The following LRRC36 variants were observed in gnomAD, a reference collection of about 807,000 sequenced individuals.
The protein encoded by LRRC36 is leucine-rich repeat-containing protein 36.
Under a neutral mutation model 81.1 loss-of-function variants are expected in LRRC36, and 62 were observed. The observed-to-expected ratio is 0.76, with a 90% CI of 0.62 to 0.94. LRRC36 has a LOEUF of 0.94. LRRC36 is among the 40% of genes least tolerant of loss of function. The probability of loss-of-function intolerance (pLI) is 0.00; values close to 1 mark genes in which losing one functional copy is unlikely to be tolerated. For synonymous variants in LRRC36, 334 were observed against 348.6 expected, an observed-to-expected ratio of 0.96 and a Z score of 0.47; for missense variants, 761 against 881.7, an observed-to-expected ratio of 0.86 and a Z score of 1.73.
chr16:67,377,580 C>T (rs1263953091), intron 11 of LRRC36, among the ~76,000 whole-genome samples: 1 of 151,778 alleles, frequency 6.6e-6, no homozygotes, highest in African/African-American at 2.4e-5. Flanking sequence ...GATCCACCCA[C>T]CTTAGCCTCC....
chr16:67,379,206 C>T (rs1379961218), intron 12 of LRRC36, among the ~76,000 whole-genome samples: 1 of 151,674 alleles, frequency 6.6e-6, no homozygotes, highest in Non-Finnish European at 1.5e-5. Flanking sequence ...GGAGGATTGA[C>T]TGAGTCCAGG....
chr16:67,376,804 A>G lies in LRRC36; in HGVS notation c.1738A>G (p.Thr580Ala). The G allele has an allele frequency of 6.2e-7, 1 of 1,614,110 alleles. No individual in the cohort carries two copies. The highest frequency in any genetic ancestry group is 8.5e-7 in the Non-Finnish European group (1 of 1,179,938). The part of the protein sequence containing the change: ...QPRCCSHPED[T>A]MKAFCRRELE... ...GAGGTGTTGCTCACATCCTGAAGAC[A>G]CGATGAAAGCATTCTGCAGGAGGGA... Residue 580 changes from threonine to alanine, a missense_variant, in exon 11 of 14, where the codon ACG becomes GCG. Around this residue, in one of 3 missense-constraint regions of LRRC36, gnomAD observed 359 missense variants for 388.4 expected, o/e 0.92. Transcript: ENST00000329956.
chr16:67,329,843 G>A (rs968753599), intron 1 of LRRC36, among the ~76,000 whole-genome samples: 1 of 152,054 alleles, frequency 6.6e-6, no homozygotes, highest in African/African-American at 2.4e-5. Context: ...GCTTGAACCC[G>A]GGAGACGGAG....
intron 13 of LRRC36, among the ~76,000 whole-genome samples, chr16:67,383,654 A>G (rs2040192725): frequency 6.6e-6 from 1 of 152,244 alleles, no homozygotes; most frequent in African/African-American, 2.4e-5. Context: ...TTCTGAAACC[A>G]TACAGGTTCA....
intron 1 of LRRC36, 188 bp downstream of exon 1, chr16:67,327,120 A>G (rs2037222753): frequency 3.8e-6 from 2 of 524,104 alleles, no homozygotes; most frequent in East Asian, 7.0e-5. Flanking sequence ...GAGGAACTGA[A>G]GTAACGGGAG....
intron 11 of LRRC36, among the ~76,000 whole-genome samples, chr16:67,378,363 C>T (rs1162565808): frequency 6.6e-6 from 1 of 151,256 alleles, no homozygotes; most frequent in Non-Finnish European, 1.5e-5. Flanking sequence ...TCTCAGCCTC[C>T]CGAGTAGCTG....
chr16:67,378,235 CTTTTT>C (rs1015471341), intron 11 of LRRC36, among the ~76,000 whole-genome samples: 4 of 100,522 alleles, frequency 4.0e-5, no homozygotes, highest in African/African-American at 1.9e-4. Flanking sequence ...ATGTCAGATT[CTTTTT>C]TTTTTTTTTT....
intron 2 of LRRC36, 136 bp from the exon 3 acceptor site, chr16:67,346,120 G>A: frequency 3.6e-6 from 2 of 557,570 alleles, no homozygotes; most frequent in Non-Finnish European, 6.2e-6. Context: ...TTAAGTGAGA[G>A]TTCCAGCCCT....
intron 1 of LRRC36, among the ~76,000 whole-genome samples, chr16:67,327,596 G>A (rs2037253941): frequency 6.6e-6 from 1 of 152,208 alleles, no homozygotes; most frequent in African/African-American, 2.4e-5. Flanking sequence ...CTGGACCTCA[G>A]AGGAGAGGTC....
intron 12 of LRRC36, 37 bp downstream of exon 12, chr16:67,378,749 A>G (rs1459401862): frequency 6.2e-7 from 1 of 1,606,206 alleles, no homozygotes; most frequent in African/African-American, 1.3e-5. Flanking sequence ...GAGGCCTCTC[A>G]AGACAACTGT....
Position 67,344,593 on chromosome 16 carries a change from G to GA in LRRC36, c.199-1657dup, listed in dbSNP as rs1177851510. Among the ~76,000 whole-genome samples, 3 of 151,912 alleles carry GA rather than the reference G, an allele frequency of 2.0e-5. No homozygotes were observed. In the East Asian group the frequency reaches 5.8e-4, roughly 29 times the overall value. The stretch of plus-strand genomic sequence containing the variant: ...TGGGTGACAGAGCAAGATCCTCTCA[G>GA]AAAAAACCAAAAAACAAAAAAACTT... On this transcript the variant is annotated intron_variant, in intron 2 of 13. Coordinates refer to ENST00000329956, the MANE Select transcript of LRRC36 (RefSeq NM_018296.6).
intron 5 of LRRC36, among the ~76,000 whole-genome samples, chr16:67,361,951 C>G (rs941045421): frequency 6.6e-6 from 1 of 152,052 alleles, no homozygotes; most frequent in Admixed American, 6.6e-5. Context: ...ACAAATCTTA[C>G]CAGGCCTGGT....
chr16:67,335,464 T>G (rs887187377), intron 1 of LRRC36, among the ~76,000 whole-genome samples: 3 of 152,332 alleles, frequency 2.0e-5, no homozygotes, highest in Admixed American at 2.0e-4. Context: ...GTGCCCAGAT[T>G]TCATATTGTT....
intron 9 of LRRC36, 46 bp downstream of exon 9, chr16:67,371,288 C>T (rs367590375): frequency 1.4e-5 from 22 of 1,607,452 alleles, no homozygotes; most frequent in African/African-American, 1.1e-4. Context: ...AGGTCAGGTT[C>T]GAGACCAGAA....
chr16:67,330,275 C>A (rs1415278923), intron 1 of LRRC36, among the ~76,000 whole-genome samples: 1 of 151,910 alleles, frequency 6.6e-6, no homozygotes, highest in Non-Finnish European at 1.5e-5. Flanking sequence ...TGATATCAGC[C>A]ACTGAATATG....
intron 1 of LRRC36, among the ~76,000 whole-genome samples, chr16:67,336,236 A>C (rs1013297943): frequency 6.6e-6 from 1 of 152,170 alleles, no homozygotes. Flanking sequence ...TTATCCATTT[A>C]CCTATTGAAG....
At chr16:67,335,382 A>C (rs1306001525) in intron 1 of LRRC36, among the ~76,000 whole-genome samples, 1 of 152,230 alleles carries the variant, frequency 6.6e-6, no homozygotes, top group Non-Finnish European at 1.5e-5. Flanking sequence ...CACCTGGCTC[A>C]CCGGCAATCA....
rs760111401 is a variant in LRRC36, at chr16:67,365,349, G to A, written c.748G>A (p.Glu250Lys). Residue 250 changes from glutamate to lysine, a missense_variant, in exon 7 of 14, where the codon GAA becomes AAA. Physicochemically the swap from Glu to Lys is moderately conservative, Grantham distance 56 (BLOSUM62 1). Coordinates refer to ENST00000329956, the MANE Select transcript of LRRC36 (RefSeq NM_018296.6). Reference protein sequence around the residue: ...RREMPSDNHQEDEFRHYSPRQ... With the variant: ...RREMPSDNHQKDEFRHYSPRQ... ...GGAGATGCCAAGTGACAATCACCAG[G>A]AAGATGGTAAATATTTTGCTCACTG... 2.1e-5 allele frequency: 34 copies of A among 1,613,338 alleles called. No individual in the cohort carries two copies. The East Asian group carries it at 6.9e-4, about 33-fold the overall frequency.
At chr16:67,349,831 G>A (rs972776692) in intron 4 of LRRC36, among the ~76,000 whole-genome samples, 2 of 151,912 alleles carry the variant, frequency 1.3e-5, no homozygotes, top group African/African-American at 4.8e-5. Context: ...CGTGATCTCA[G>A]CTCACTGCAA....
Sources: gnomAD v4.1 joint callset for allele counts (sites outside exome capture counted in the v4.1 genomes callset) on GRCh38, gnomAD v4.1.1 for gene constraint, gnomAD v4.1.1 regional missense constraint, MANE v1.5 for transcripts, NCBI Gene and HGNC (gene_info 2026-07-23, HGNC 2026-07-21) for gene names.